Variants in DCUN1D5 observed in about 807,000 individuals in gnomAD.
DCUN1D5 encodes the protein defective in cullin neddylation 1 domain containing 5.
A neutral mutation model predicts 38.3 loss-of-function variants in DCUN1D5; 10 were observed. The ratio of observed to expected loss-of-function variants is 0.26; its 90% CI spans 0.16 to 0.44. The LOEUF is 0.44. DCUN1D5 is among the 20% of genes least tolerant of loss of function. The probability of loss-of-function intolerance (pLI) is 1.00; values close to 1 mark genes in which losing one functional copy is unlikely to be tolerated. For synonymous variants in DCUN1D5, 93 were observed against 90.9 expected (o/e 1.02, Z -0.13); for missense variants, 148 against 275.3 (o/e 0.54, Z 3.27).
In DCUN1D5 at chr11:103,083,463, G is replaced by C. The variant is rs1862619232; in HGVS notation, c.179-137C>G. 1 of 527,152 alleles carries C rather than the reference G, an allele frequency of 1.9e-6. No individual in the cohort carries two copies. The highest frequency in any genetic ancestry group is 3.4e-6 in the Non-Finnish European group (1 of 290,518). 32.7% of individuals were successfully genotyped at this position (527,152 alleles called of 1,614,324 possible). A position where few individuals can be genotyped will look rare whatever the true frequency, so the allele number is the denominator to read the frequency against. On this transcript the variant is annotated intron_variant, in intron 2 of 7. Transcript: ENST00000260247. The surrounding 1 kb of genome is among the most constrained non-coding windows in gnomAD (Gnocchi z 4.4). ...TTGAATTTTGGCATAGCTTTGATAA[G>C]TATAAATATTTGCTACAGGATTTAA...
chr11:103,084,762 G>A (rs1862655832), intron 2 of DCUN1D5, among the ~76,000 whole-genome samples: 1 of 152,128 alleles, frequency 6.6e-6, no homozygotes, highest in East Asian at 1.9e-4. Context: ...GGCCGAGGTG[G>A]GATTATCACT....
Position 103,091,529 on chromosome 11 carries a change from C to T in DCUN1D5, c.86+258G>A, listed in dbSNP as rs1862865703. The T allele has an allele frequency of 5.9e-6, 3 of 507,704 alleles. No individual in the cohort carries two copies. The South Asian group carries it at 6.2e-5, about 11-fold the overall frequency. The allele number at this position is 507,704 out of a possible 1,614,324, so 31.4% of individuals were successfully genotyped here. On this transcript the variant is annotated intron_variant, in intron 1 of 7. Transcript: ENST00000260247. This position sits in a 1 kb window ranked among gnomAD's most constrained non-coding sequence, Gnocchi z 4.3. The stretch of plus-strand genomic sequence containing the variant: ...AGCGCAATTTACATATGCATCTGTT[C>T]CCCACCCTGCAGGGCACGTAGACTC...
rs554763785 is a variant in DCUN1D5, at chr11:103,052,823, T to C, written c.*9536A>G. The C allele has an allele frequency of 5.9e-5, 9 of 152,308 alleles. No homozygotes were observed. Among genetic ancestry groups the C allele is most frequent in the African/African-American group, 1.4e-4 (6 of 41,588 alleles). 9.4% of individuals were successfully genotyped at this position (152,308 alleles called of 1,614,324 possible). ...AGAGAATAAAATAGAAATTCCTAAATAGAAATTCAGTTTTCTCACTCTATT... is the reference window on the plus strand; with the variant it reads ...AGAGAATAAAATAGAAATTCCTAAACAGAAATTCAGTTTTCTCACTCTATT... On this transcript the variant is annotated 3_prime_UTR_variant, in exon 8 of 8. Coordinates refer to ENST00000260247, the MANE Select transcript of DCUN1D5 (RefSeq NM_032299.4).
intron 4 of DCUN1D5, among the ~76,000 whole-genome samples, chr11:103,072,408 T>C (rs765216568): frequency 6.2e-5 from 9 of 146,002 alleles, no homozygotes; most frequent in South Asian, 4.2e-4. Context: ...ATCCCATTAC[T>C]GGGCATATAC....
rs140737877 is a variant in DCUN1D5, at chr11:103,083,979, ATTAG to A, written c.179-657_179-654del. 4.6e-3 allele frequency among the ~76,000 whole-genome samples: 702 copies of A among 152,274 alleles called. 5 individuals are homozygous for A. Among genetic ancestry groups the A allele is most frequent in the African/African-American group, 0.015 (644 of 41,564 alleles). On this transcript the variant is annotated intron_variant, in intron 2 of 7. Transcript: ENST00000260247. The surrounding 1 kb of genome is among the most constrained non-coding windows in gnomAD (Gnocchi z 4.4). ...GTAGAAACAGAAGTTTAATCTTTCAATTAGTTAGTGTCTATCATTCATCCAAAAA... is the reference window on the plus strand; with the variant it reads ...GTAGAAACAGAAGTTTAATCTTTCAATTAGTGTCTATCATTCATCCAAAAA...
rs1451831896 is a variant in DCUN1D5 at position 103,062,242 on chromosome 11, T to A, written c.*117A>T. On this transcript the variant is annotated 3_prime_UTR_variant, in exon 8 of 8. Coordinates refer to ENST00000260247, the MANE Select transcript of DCUN1D5 (RefSeq NM_032299.4). The surrounding 1 kb of genome is among the most constrained non-coding windows in gnomAD (Gnocchi z 4.6). ...CTTTAAAAAAAGGAAAAAAAAGTAC[T>A]ATGAGAAGTCTTTCATATGAATGAA... is the stretch of plus-strand genomic sequence containing the variant. The A allele has an allele frequency of 1.0e-6, 1 of 985,950 alleles. No individual in the cohort carries two copies. The highest frequency in any genetic ancestry group is 2.4e-5 in the East Asian group (1 of 41,342). The allele number at this position is 985,950 out of a possible 1,614,324, so 61.1% of individuals were successfully genotyped here. A position where few individuals can be genotyped will look rare whatever the true frequency, so the allele number is the denominator to read the frequency against.
chr11:103,066,264 C>T lies in DCUN1D5; in HGVS notation c.555+5G>A. Reference sequence around the variant, plus strand: ...TATTTTCAAAATTCGAAAAAACATACGTACCTCCAGGTACTGGTAAAATAC... The same window carrying T: ...TATTTTCAAAATTCGAAAAAACATATGTACCTCCAGGTACTGGTAAAATAC... On this transcript the variant is annotated splice_donor_5th_base_variant and intron_variant, in intron 6 of 7. Coordinates refer to ENST00000260247, the MANE Select transcript of DCUN1D5 (RefSeq NM_032299.4). The surrounding 1 kb of genome is among the most constrained non-coding windows in gnomAD (Gnocchi z 4.7). 1 of 1,523,132 alleles carries T rather than the reference C, an allele frequency of 6.6e-7. No individual in the cohort carries two copies. The highest frequency in any genetic ancestry group is 8.8e-7 in the Non-Finnish European group (1 of 1,130,168). 94.4% of individuals were successfully genotyped at this position (1,523,132 alleles called of 1,614,324 possible).
In DCUN1D5 at chr11:103,061,203, T is replaced by TATTA. The variant is rs1805932125; in HGVS notation, c.*1152_*1155dup. On this transcript the variant is annotated 3_prime_UTR_variant, in exon 8 of 8. Coordinates refer to ENST00000260247, the MANE Select transcript of DCUN1D5 (RefSeq NM_032299.4). ...TTAAATCCTAATAGAAACACTCCCT[T>TATTA]ATTATGGAAAAATAACCTCTTTACT... Among the ~76,000 whole-genome samples the TATTA allele has an allele frequency of 2.0e-5, 3 of 152,156 alleles. No homozygotes were observed. Among genetic ancestry groups the TATTA allele is most frequent in the South Asian group, 2.1e-4 (1 of 4,830 alleles).
chr11:103,068,130 T>C (rs1344764032), intron 4 of DCUN1D5, among the ~76,000 whole-genome samples: 3 of 152,212 alleles, frequency 2.0e-5, no homozygotes, highest in Non-Finnish European at 1.5e-5. Context: ...TTAAAATTTA[T>C]AACATTTTCT....
chr11:103,086,088 A>G lies in DCUN1D5; in HGVS notation c.179-2762T>C, dbSNP rs1364987044. Among the ~76,000 whole-genome samples, 1 of 152,176 alleles carries G rather than the reference A, an allele frequency of 6.6e-6. No individual in the cohort carries two copies. The highest frequency in any genetic ancestry group is 2.1e-4 in the South Asian group (1 of 4,828). ...TTTTCAAAACTAAAAGAAAAACACC[A>G]TCAATTTCCTGATTTCTTTATAACC... On this transcript the variant is annotated intron_variant, in intron 2 of 7. Transcript: ENST00000260247. The surrounding 1 kb of genome is among the most constrained non-coding windows in gnomAD (Gnocchi z 4.1).
rs200495058 is a variant in DCUN1D5 at position 103,064,564 on chromosome 11, CT to C, written c.556-188del. Among the ~76,000 whole-genome samples the C allele has an allele frequency of 5.2e-4, 79 of 150,612 alleles. No individual in the cohort carries two copies. Among genetic ancestry groups the C allele is most frequent in the African/African-American group, 1.6e-3 (66 of 41,068 alleles). On this transcript the variant is annotated intron_variant, in intron 6 of 7. Transcript: ENST00000260247. This position sits in a 1 kb window ranked among gnomAD's most constrained non-coding sequence, Gnocchi z 4.5. ...ACATATTAACATAATCTATTTTTTA[CT>C]TTTTTTTTCATTTTTGAGGAATAAT... is the stretch of plus-strand genomic sequence containing the variant.
At chr11:103,085,405 C>T (rs1462001275) in intron 2 of DCUN1D5, among the ~76,000 whole-genome samples, 1 of 151,998 alleles carries the variant, frequency 6.6e-6, no homozygotes, top group East Asian at 1.9e-4. Context: ...CCACTGCACT[C>T]CAGCGTAGGT....
chr11:103,079,356 C>T (rs1388017254), intron 4 of DCUN1D5, among the ~76,000 whole-genome samples: 1 of 152,194 alleles, frequency 6.6e-6, no homozygotes, highest in Non-Finnish European at 1.5e-5. Context: ...AAAGCTGCAT[C>T]TTATTCCTCG....
chr11:103,081,640 G>A (rs1260500112), intron 4 of DCUN1D5, among the ~76,000 whole-genome samples: 2 of 152,126 alleles, frequency 1.3e-5, no homozygotes, highest in African/African-American at 4.8e-5. Context: ...AAGGAACTGT[G>A]CCAAATATTT....
In DCUN1D5 at chr11:103,066,667, A is replaced by G. The variant is rs985494465; in HGVS notation, c.342-100T>C. 1.6e-5 allele frequency: 10 copies of G among 619,670 alleles called. No homozygotes were observed. In the African/African-American group the frequency reaches 1.9e-4, roughly 12 times the overall value. 38.4% of individuals were successfully genotyped at this position (619,670 alleles called of 1,614,324 possible). A position where few individuals can be genotyped will look rare whatever the true frequency, so the allele number is the denominator to read the frequency against. On this transcript the variant is annotated intron_variant, in intron 4 of 7. Transcript: ENST00000260247. The surrounding 1 kb of genome is among the most constrained non-coding windows in gnomAD (Gnocchi z 4.7). ...AATGCATTAAGAAAAAAGTGAGCGC[A>G]TTTATGAAGTTAATTTAGTTTTAAA...
intron 4 of DCUN1D5, chr11:103,079,829 G>A (rs766561002): frequency 3.3e-5 from 5 of 151,944 alleles, no homozygotes; most frequent in Admixed American, 2.0e-4. Flanking sequence ...AGGAAATTTG[G>A]CTATTATTAA....
rs563217270 is a variant in DCUN1D5, at chr11:103,086,595, C to T, written c.178+2632G>A. Reference sequence around the variant, plus strand: ...CACCATATTTATTATCCTTATAACTCCCCACAATCTGTACTTATCTTGCCT... The same window carrying T: ...CACCATATTTATTATCCTTATAACTTCCCACAATCTGTACTTATCTTGCCT... On this transcript the variant is annotated intron_variant, in intron 2 of 7. Coordinates refer to ENST00000260247, the MANE Select transcript of DCUN1D5 (RefSeq NM_032299.4). This position sits in a 1 kb window ranked among gnomAD's most constrained non-coding sequence, Gnocchi z 4.1. 7.4e-4 allele frequency among the ~76,000 whole-genome samples: 113 copies of T among 152,220 alleles called. No homozygotes were observed. Among genetic ancestry groups the T allele is most frequent in the African/African-American group, 2.6e-3 (109 of 41,512 alleles).
rs746623824 is a variant in DCUN1D5, at chr11:103,083,228, T to C, written c.249+28A>G. 3.4e-5 allele frequency: 40 copies of C among 1,189,206 alleles called. No homozygotes were observed. Among genetic ancestry groups the C allele is most frequent in the Non-Finnish European group, 4.9e-5 (39 of 796,018 alleles). 73.7% of individuals were successfully genotyped at this position (1,189,206 alleles called of 1,614,324 possible). ...ACGAATATGCTATACCCCACTTATA[T>C]GCCATTCTACTTAGAAATAAAACAT... On this transcript the variant is annotated intron_variant, in intron 3 of 7. Coordinates refer to ENST00000260247, the MANE Select transcript of DCUN1D5 (RefSeq NM_032299.4). The surrounding 1 kb of genome is among the most constrained non-coding windows in gnomAD (Gnocchi z 4.4).
rs1418117656 is a variant in DCUN1D5 at position 103,066,782 on chromosome 11, G to T, written c.342-215C>A. Among the ~76,000 whole-genome samples the T allele has an allele frequency of 6.6e-6, 1 of 151,942 alleles. No individual in the cohort carries two copies. The highest frequency in any genetic ancestry group is 2.4e-5 in the African/African-American group (1 of 41,378). On this transcript the variant is annotated intron_variant, in intron 4 of 7. Coordinates refer to ENST00000260247, the MANE Select transcript of DCUN1D5 (RefSeq NM_032299.4). This position sits in a 1 kb window ranked among gnomAD's most constrained non-coding sequence, Gnocchi z 4.7. ...GAAAAAAGGGGAAAAAAGAAAACCT[G>T]GGAATCAAAGAAAGTTCACTCCAAT...
Sources: gnomAD v4.1 joint callset for allele counts (sites outside exome capture counted in the v4.1 genomes callset) on GRCh38, gnomAD v4.1.1 for gene constraint, Gnocchi (gnomAD v3.1) non-coding constraint, MANE v1.5 for transcripts, NCBI Gene and HGNC (gene_info 2026-07-23, HGNC 2026-07-21) for gene names.